Variants in DLG2 observed in about 807,000 individuals in gnomAD.
DLG2 encodes discs large MAGUK scaffold protein 2.
In DLG2, 45 loss-of-function variants were observed where a neutral mutation model predicts 132.5. The ratio of observed to expected loss-of-function variants is 0.34; its 90% CI spans 0.27 to 0.44. The LOEUF is 0.44. Ranked by LOEUF, DLG2 falls within the 20% of genes least tolerant of loss-of-function variation. The pLI is 1.00. For synonymous variants in DLG2, 424 were observed against 419.6 expected, an observed-to-expected ratio of 1.01 and a Z score of -0.13; for missense variants, 1,045 against 1,196.9, an observed-to-expected ratio of 0.87 and a Z score of 1.87.
At position 84,615,283 on chromosome 11, in the gene DLG2, T is replaced by C. The variant is rs991976241; in HGVS notation, c.358-80552A>G. Among the ~76,000 whole-genome samples, 4 of 152,130 alleles carry C rather than the reference T, an allele frequency of 2.6e-5. No homozygotes were observed. The South Asian group carries it at 8.3e-4, about 32-fold the overall frequency. On this transcript the variant is annotated intron_variant, in intron 6 of 27. Coordinates refer to ENST00000376104, the MANE Select transcript of DLG2 (RefSeq NM_001142699.3). ...GATTTGCAAAAGTAACATTGATCAA[T>C]ACCTAACACAAGCATCGCACACATA... is the stretch of plus-strand genomic sequence containing the variant.
chr11:84,767,953 C>A (rs1460457635), intron 6 of DLG2, among the ~76,000 whole-genome samples: 2 of 152,034 alleles, frequency 1.3e-5, no homozygotes, highest in Admixed American at 6.6e-5. Context: ...GCAAGGCAGA[C>A]CTGTGCCTGC....
At chr11:84,800,425 T>C (rs2075222922) in intron 6 of DLG2, 1 of 152,212 alleles carries the variant, frequency 6.6e-6, no homozygotes, top group Admixed American at 6.5e-5. Context: ...GGAAATTGCA[T>C]GGTATAATTA....
intron 15 of DLG2, among the ~76,000 whole-genome samples, chr11:83,907,675 T>C (rs2075280646): frequency 6.6e-6 from 1 of 152,156 alleles, no homozygotes; most frequent in African/African-American, 2.4e-5. Flanking sequence ...GGTCAGTTAT[T>C]ATTATTAATA....
At chr11:83,883,014 C>T (rs12285971) in intron 15 of DLG2, among the ~76,000 whole-genome samples, 14,689 of 152,170 alleles carry the variant, frequency 0.097, 840 homozygotes, top group Middle Eastern at 0.2. Flanking sequence ...AGTTAAATGA[C>T]GAACATGGCA....
intron 9 of DLG2, among the ~76,000 whole-genome samples, chr11:84,114,396 C>A (rs917682402): frequency 2.0e-5 from 3 of 152,112 alleles, no homozygotes; most frequent in African/African-American, 7.2e-5. Context: ...GTAGTATTAG[C>A]CAGCATTATA....
At chr11:83,642,986 C>T (rs1159795226) in intron 18 of DLG2, among the ~76,000 whole-genome samples, 3 of 151,878 alleles carry the variant, frequency 2.0e-5, no homozygotes, top group African/African-American at 7.3e-5. Flanking sequence ...AAAAAAAAAC[C>T]GTGAAGCTCT....
At chr11:84,159,269 T>C (rs2095494999) in intron 9 of DLG2, among the ~76,000 whole-genome samples, 2 of 152,156 alleles carry the variant, frequency 1.3e-5, no homozygotes, top group South Asian at 4.1e-4. Context: ...CAAAATAAAC[T>C]ATAAATAAAT....
chr11:83,657,967 G>A (rs1322682803), intron 18 of DLG2, among the ~76,000 whole-genome samples: 1 of 152,188 alleles, frequency 6.6e-6, no homozygotes, highest in Non-Finnish European at 1.5e-5. Context: ...AGACATGGCT[G>A]CAGAGGAAGG....
intron 3 of DLG2, among the ~76,000 whole-genome samples, chr11:85,296,405 C>T (rs1397761708): frequency 6.0e-5 from 9 of 150,812 alleles, no homozygotes; most frequent in African/African-American, 1.2e-4. Flanking sequence ...CTCCTCAAAT[C>T]GGATATATAA....
chr11:84,725,148 G>A (rs1344493291), intron 6 of DLG2, among the ~76,000 whole-genome samples: 2 of 152,118 alleles, frequency 1.3e-5, no homozygotes, highest in Admixed American at 6.6e-5. Flanking sequence ...CTGAAGCCAA[G>A]CCACCTGATT....
chr11:85,270,348 C>G (rs931855483), intron 4 of DLG2, among the ~76,000 whole-genome samples: 4 of 152,294 alleles, frequency 2.6e-5, no homozygotes, highest in African/African-American at 9.6e-5. Context: ...TACTTTCCAC[C>G]ATGATTGTGA....
intron 11 of DLG2, among the ~76,000 whole-genome samples, chr11:83,986,471 T>G (rs2154178984): frequency 6.6e-6 from 1 of 150,932 alleles, no homozygotes; most frequent in East Asian, 1.9e-4. Flanking sequence ...GTTGGACATT[T>G]GGGTTGGTTC....
chr11:85,395,344 G>C (rs923808625), intron 3 of DLG2, among the ~76,000 whole-genome samples: 1 of 152,160 alleles, frequency 6.6e-6, no homozygotes, highest in Admixed American at 6.5e-5. Flanking sequence ...TATCGAGGCA[G>C]AAGAGGGGTG....
At chr11:85,505,917 G>A (rs1007904210) in intron 3 of DLG2, among the ~76,000 whole-genome samples, 1 of 152,142 alleles carries the variant, frequency 6.6e-6, no homozygotes, top group African/African-American at 2.4e-5. Context: ...GGTCTATTCA[G>A]GGATTTAACT....
At chr11:84,777,303 A>ATATATATATATATT (rs1555216494) in intron 6 of DLG2, among the ~76,000 whole-genome samples, 37 of 132,354 alleles carry the variant, frequency 2.8e-4, no homozygotes, top group African/African-American at 1.0e-3. Flanking sequence ...ATATATATAT[A>ATATATATATATATT]TATATATATA....
chr11:85,424,744 A>AT (rs971166381), intron 3 of DLG2, among the ~76,000 whole-genome samples: 15 of 152,012 alleles, frequency 9.9e-5, no homozygotes, highest in African/African-American at 2.9e-4. Flanking sequence ...TCAAACTCTG[A>AT]TTTTTTTTAA....
intron 3 of DLG2, among the ~76,000 whole-genome samples, chr11:85,305,643 G>A (rs2079890886): frequency 6.6e-6 from 1 of 152,108 alleles, no homozygotes; most frequent in African/African-American, 2.4e-5. Flanking sequence ...CTCCCGAGTA[G>A]CTGGGACTAC....
chr11:84,102,933 T>A (rs1030032374), intron 9 of DLG2, among the ~76,000 whole-genome samples: 5 of 152,112 alleles, frequency 3.3e-5, no homozygotes, highest in African/African-American at 1.2e-4. Context: ...CTAATATACA[T>A]TCCCCTGTCC....
At chr11:84,322,639 G>C (rs978664164) in intron 7 of DLG2, among the ~76,000 whole-genome samples, 7 of 151,392 alleles carry the variant, frequency 4.6e-5, no homozygotes, top group African/African-American at 1.7e-4. Context: ...GCCCAGGCTG[G>C]AGTACAGTGG....
Sources: gnomAD v4.1 joint callset for allele counts (sites outside exome capture counted in the v4.1 genomes callset) on GRCh38, gnomAD v4.1.1 for gene constraint, MANE v1.5 for transcripts, NCBI Gene and HGNC (gene_info 2026-07-23, HGNC 2026-07-21) for gene names.